Variants in RIT2 observed in about 807,000 individuals in gnomAD.
RIT2 encodes Ras like without CAAX 2.
In RIT2, 24 loss-of-function variants were observed where a neutral mutation model predicts 23.7. The observed-to-expected ratio is 1.01, with a 90% CI of 0.73 to 1.43. RIT2 has a LOEUF of 1.43. RIT2 is among the 40% of genes most tolerant of loss of function. The probability of loss-of-function intolerance (pLI) is 0.00; values close to 1 mark genes in which losing one functional copy is unlikely to be tolerated. For missense variants in RIT2, 236 were observed against 266.9 expected (o/e 0.88, Z 0.81); for synonymous variants, 107 against 91.1 (o/e 1.17, Z -0.99).
intron 4 of RIT2, among the ~76,000 whole-genome samples, chr18:42,749,207 A>T (rs970037348): frequency 6.6e-6 from 1 of 151,970 alleles, no homozygotes; most frequent in African/African-American, 2.4e-5. Context: ...GAGAAAAAGT[A>T]TGTATTTAAA....
chr18:42,813,742 C>T (rs979995226), intron 4 of RIT2, among the ~76,000 whole-genome samples: 6 of 152,158 alleles, frequency 3.9e-5, no homozygotes, highest in African/African-American at 1.4e-4. Context: ...AGCTCTGACT[C>T]AGGCGGACAG....
intron 4 of RIT2, among the ~76,000 whole-genome samples, chr18:42,766,309 G>A (rs145303491): frequency 6.6e-6 from 1 of 152,332 alleles, no homozygotes; most frequent in East Asian, 1.9e-4. Flanking sequence ...AATCCAGGCT[G>A]AGGTGGTATC....
chr18:42,980,169 A>C (rs1910564672), intron 2 of RIT2, among the ~76,000 whole-genome samples: 1 of 152,134 alleles, frequency 6.6e-6, no homozygotes, highest in South Asian at 2.1e-4. Flanking sequence ...TTGTGGGACG[A>C]CTCAGGGCAA....
chr18:42,832,105 C>T (rs1906474965), intron 4 of RIT2, among the ~76,000 whole-genome samples: 1 of 152,046 alleles, frequency 6.6e-6, no homozygotes, highest in African/African-American at 2.4e-5. Flanking sequence ...CAGGCAACAA[C>T]CAGAGGAAAA....
chr18:43,090,019 A>G (rs915851736), intron 1 of RIT2, among the ~76,000 whole-genome samples: 3 of 152,172 alleles, frequency 2.0e-5, no homozygotes, highest in Non-Finnish European at 4.4e-5. Context: ...CAATTGCAAC[A>G]AAAGCAAAAA....
At chr18:42,955,013 A>G (rs1039122072) in intron 3 of RIT2, among the ~76,000 whole-genome samples, 2 of 152,182 alleles carry the variant, frequency 1.3e-5, no homozygotes, top group African/African-American at 4.8e-5. Flanking sequence ...TTGGGAGGTC[A>G]GGAGGACACA....
At chr18:42,747,756 T>TAC (rs1258684845) in intron 4 of RIT2, among the ~76,000 whole-genome samples, 1 of 152,032 alleles carries the variant, frequency 6.6e-6, no homozygotes, top group African/African-American at 2.4e-5. Flanking sequence ...CAAGAGATCT[T>TAC]TGACAAAGCA....
At chr18:42,929,074 A>G (rs1909263258) in intron 3 of RIT2, among the ~76,000 whole-genome samples, 1 of 83,390 alleles carries the variant, frequency 1.2e-5, no homozygotes, top group Admixed American at 1.4e-4. Context: ...TGAGACAAAT[A>G]AAAATTAGAG....
chr18:42,865,731 A>G (rs1907452278), intron 4 of RIT2, among the ~76,000 whole-genome samples: 1 of 152,158 alleles, frequency 6.6e-6, no homozygotes, highest in African/African-American at 2.4e-5. Flanking sequence ...GTGACTGCTA[A>G]TATGTTGATG....
At chr18:42,837,105 A>G (rs538015800) in intron 4 of RIT2, among the ~76,000 whole-genome samples, 1 of 146,096 alleles carries the variant, frequency 6.8e-6, no homozygotes, top group East Asian at 2.0e-4. Flanking sequence ...GCCCTTGAAT[A>G]TCATAGTAAT....
chr18:43,019,639 C>T (rs1292451304), intron 2 of RIT2, among the ~76,000 whole-genome samples: 1 of 151,958 alleles, frequency 6.6e-6, no homozygotes, highest in Admixed American at 6.6e-5. Flanking sequence ...TACAAGGATG[C>T]CCACTTTCAC....
At chr18:42,861,757 GTC>G (rs1486964310) in intron 4 of RIT2, among the ~76,000 whole-genome samples, 2 of 152,130 alleles carry the variant, frequency 1.3e-5, no homozygotes, top group Admixed American at 6.5e-5. Flanking sequence ...TACATCCAGA[GTC>G]TCTCTGTCCT....
chr18:42,957,640 C>A (rs938815344), intron 3 of RIT2, among the ~76,000 whole-genome samples: 4 of 151,964 alleles, frequency 2.6e-5, no homozygotes, highest in Non-Finnish European at 5.9e-5. Context: ...AAAAATTAGC[C>A]AGGCATGGTG....
intron 1 of RIT2, among the ~76,000 whole-genome samples, chr18:43,106,306 G>A (rs76264639): frequency 0.018 from 2,671 of 152,208 alleles, 82 homozygotes; most frequent in African/African-American, 0.06. Flanking sequence ...ACACTTTATT[G>A]CTCATTTTAA....
At chr18:43,036,153 T>C (rs912432443) in intron 1 of RIT2, among the ~76,000 whole-genome samples, 4 of 152,298 alleles carry the variant, frequency 2.6e-5, no homozygotes, top group East Asian at 3.9e-4. Flanking sequence ...TTTTAATAAA[T>C]AATAGAAATA....
intron 3 of RIT2, among the ~76,000 whole-genome samples, chr18:42,971,623 T>C (rs1910362883): frequency 6.6e-6 from 1 of 152,012 alleles, no homozygotes; most frequent in Non-Finnish European, 1.5e-5. Flanking sequence ...AAGCAACTAG[T>C]GTTCATGATT....
At chr18:42,934,087 G>A (rs992289202) in intron 3 of RIT2, among the ~76,000 whole-genome samples, 26 of 150,820 alleles carry the variant, frequency 1.7e-4, no homozygotes, top group African/African-American at 5.9e-4. Context: ...CCCATTCTCA[G>A]GTATGTCTTT....
chr18:43,044,196 T>C (rs1912194477), intron 1 of RIT2, among the ~76,000 whole-genome samples: 1 of 152,218 alleles, frequency 6.6e-6, no homozygotes. Context: ...TTGCAGCTTT[T>C]AATACTGACA....
chr18:42,811,008 T>G (rs1412319925), intron 4 of RIT2, among the ~76,000 whole-genome samples: 2 of 152,062 alleles, frequency 1.3e-5, no homozygotes, highest in Non-Finnish European at 1.5e-5. Flanking sequence ...ATTCTCTCAC[T>G]TTGGGATGAT....
Sources: allele counts gnomAD v4.1 joint callset (sites outside exome capture counted in the v4.1 genomes callset), GRCh38; gene constraint gnomAD v4.1.1; transcripts MANE v1.5; gene names NCBI Gene and HGNC (gene_info 2026-07-23, HGNC 2026-07-21).